NUDCD1: variants seen among roughly 807,000 people sequenced by gnomAD.
NUDCD1 encodes NudC domain containing 1.
A neutral mutation model predicts 67.8 loss-of-function variants in NUDCD1; 60 were observed. The ratio of observed to expected loss-of-function variants is 0.88; its 90% CI spans 0.72 to 1.10. NUDCD1 has a LOEUF of 1.10. Among genes scored for constraint, NUDCD1 ranks in the 50% least tolerant of loss-of-function variants. The pLI is 0.00. For missense variants in NUDCD1, 643 were observed against 695.0 expected (o/e 0.93, Z 0.84); for synonymous variants, 244 against 230.8 (o/e 1.06, Z -0.52).
chr8:109,299,808 G>A (rs769239000), intron 2 of NUDCD1, among the ~76,000 whole-genome samples: 22 of 152,160 alleles, frequency 1.4e-4, no homozygotes, highest in Admixed American at 2.0e-4. Flanking sequence ...CACAAAAATA[G>A]CGCATTAAAT....
intron 8 of NUDCD1, among the ~76,000 whole-genome samples, chr8:109,250,603 A>G (rs747981818): frequency 6.6e-6 from 1 of 152,202 alleles, no homozygotes; most frequent in East Asian, 1.9e-4. Flanking sequence ...ACCATGAAGT[A>G]TGGTGTTAAC....
chr8:109,241,804 C>G lies in NUDCD1; in HGVS notation c.*1205G>C, dbSNP rs1813373024. ...AGCTTTTCTATCTTATATTTCTTAT[C>G]TTAATCTTCTGCCTCTTAAATGAAG... On this transcript the variant is annotated 3_prime_UTR_variant, in exon 10 of 10. Transcript: ENST00000239690. 1 of 322,430 alleles carries G rather than the reference C, an allele frequency of 3.1e-6. No individual in the cohort carries two copies. Among genetic ancestry groups the G allele is most frequent in the East Asian group, 4.8e-5 (1 of 20,918 alleles). 20.0% of individuals were successfully genotyped at this position (322,430 alleles called of 1,614,324 possible).
chr8:109,301,503 T>C (rs1048755787), intron 2 of NUDCD1, among the ~76,000 whole-genome samples: 1 of 152,224 alleles, frequency 6.6e-6, no homozygotes, highest in African/African-American at 2.4e-5. Context: ...AGACATTTGG[T>C]GCCGAAGACC....
chr8:109,300,795 T>G (rs1205104353), intron 2 of NUDCD1, among the ~76,000 whole-genome samples: 2 of 152,164 alleles, frequency 1.3e-5, no homozygotes, highest in African/African-American at 2.4e-5. Flanking sequence ...AGGCACATTG[T>G]CATCAAGCTA....
At chr8:109,293,892 A>G (rs534440930) in intron 3 of NUDCD1, among the ~76,000 whole-genome samples, 151 of 152,180 alleles carry the variant, frequency 9.9e-4, no homozygotes, top group African/African-American at 3.6e-3. Context: ...ACATTGAAGA[A>G]TAAATCACCA....
At chr8:109,280,773 CT>C (rs1489519283) in intron 6 of NUDCD1, among the ~76,000 whole-genome samples, 194 bp downstream of exon 6, 1 of 152,128 alleles carries the variant, frequency 6.6e-6, no homozygotes, top group East Asian at 1.9e-4. Flanking sequence ...CAAGTGATAG[CT>C]ATGCTACTAT....
At chr8:109,306,990 C>G (rs909058216) in intron 2 of NUDCD1, among the ~76,000 whole-genome samples, 1 of 152,130 alleles carries the variant, frequency 6.6e-6, no homozygotes, top group Non-Finnish European at 1.5e-5. Context: ...AACGCTTCAC[C>G]ACTATTTTGT....
chr8:109,268,311 G>A (rs1432729898), intron 8 of NUDCD1, among the ~76,000 whole-genome samples: 1 of 152,150 alleles, frequency 6.6e-6, no homozygotes, highest in East Asian at 1.9e-4. Context: ...CAGGAAAGAA[G>A]AGGTTTCAGC....
intron 8 of NUDCD1, among the ~76,000 whole-genome samples, chr8:109,268,706 A>G (rs1586263923): frequency 6.6e-6 from 1 of 152,300 alleles, no homozygotes; most frequent in East Asian, 1.9e-4. Flanking sequence ...TAACGTTAAG[A>G]AGAACAACCA....
At chr8:109,315,972 C>T (rs942967179) in intron 2 of NUDCD1, 1 of 152,128 alleles carries the variant, frequency 6.6e-6, no homozygotes, top group African/African-American at 2.4e-5. Context: ...TATATTCTTA[C>T]AAATGAAATC....
At chr8:109,281,198 T>C (rs764756485) in intron 5 of NUDCD1, 26 bp from the exon 6 acceptor site, 23 of 1,499,284 alleles carry the variant, frequency 1.5e-5, no homozygotes, top group Non-Finnish European at 2.0e-5. Flanking sequence ...AAATGCATCA[T>C]GTAATAAAAA....
At chr8:109,282,963 G>GA (rs1163278055) in intron 5 of NUDCD1, among the ~76,000 whole-genome samples, 3 of 151,826 alleles carry the variant, frequency 2.0e-5, no homozygotes, top group Non-Finnish European at 2.9e-5. Context: ...TAGACACTCA[G>GA]AAAAAAGACA....
intron 1 of NUDCD1, among the ~76,000 whole-genome samples, chr8:109,331,963 G>A (rs981270362): frequency 1.3e-5 from 2 of 152,174 alleles, no homozygotes; most frequent in African/African-American, 4.8e-5. Context: ...AAGAGTGCAA[G>A]GATGTCCAGC....
intron 2 of NUDCD1, chr8:109,313,850 G>A: frequency 9.1e-7 from 1 of 1,103,550 alleles, no homozygotes. Context: ...CAGATAAATG[G>A]GTACAATATC....
At chr8:109,289,958 A>G in intron 4 of NUDCD1, 25 bp from the exon 5 acceptor site, 1 of 1,055,072 alleles carries the variant, frequency 9.5e-7, no homozygotes. Flanking sequence ...TTTCAGAACA[A>G]AACATTACAA....
chr8:109,320,798 C>T (rs1273490123), intron 2 of NUDCD1, among the ~76,000 whole-genome samples: 1 of 152,184 alleles, frequency 6.6e-6, no homozygotes, highest in East Asian at 1.9e-4. Flanking sequence ...GAAATCTTCA[C>T]AATCTACGTT....
intron 7 of NUDCD1, among the ~76,000 whole-genome samples, chr8:109,274,459 C>T (rs1052318090): frequency 1.3e-5 from 2 of 152,038 alleles, no homozygotes; most frequent in East Asian, 1.9e-4. Context: ...GCTGAATGAG[C>T]GAATATAAGG....
At chr8:109,324,154 T>C (rs1274300598) in intron 1 of NUDCD1, among the ~76,000 whole-genome samples, 3 of 151,886 alleles carry the variant, frequency 2.0e-5, no homozygotes, top group Non-Finnish European at 2.9e-5. Flanking sequence ...GAGAAAATAT[T>C]TGCAAACTAT....
In NUDCD1 at chr8:109,265,021, G is replaced by A. The variant is rs1000253954; in HGVS notation, c.1299+5984C>T. On this transcript the variant is annotated intron_variant, in intron 8 of 9. Coordinates refer to ENST00000239690, the MANE Select transcript of NUDCD1 (RefSeq NM_032869.4). ...AAATTAAGTACACCAAAAAGCTTAA[G>A]GAGGTAAAGACAGGCAAAGTAAACC... Among the ~76,000 whole-genome samples, 12 of 151,930 alleles carry A rather than the reference G, an allele frequency of 7.9e-5. No homozygotes were observed. The East Asian group carries it at 2.3e-3, about 29-fold the overall frequency.
Sources: gnomAD v4.1 joint callset for allele counts (sites outside exome capture counted in the v4.1 genomes callset) on GRCh38, gnomAD v4.1.1 for gene constraint, MANE v1.5 for transcripts, NCBI Gene and HGNC (gene_info 2026-07-23, HGNC 2026-07-21) for gene names.